NRG1: variants seen among roughly 807,000 people sequenced by gnomAD.
NRG1 encodes the protein neuregulin 1.
Under a neutral mutation model 63.8 loss-of-function variants are expected in NRG1, and 18 were observed. The ratio of observed to expected loss-of-function variants is 0.28; its 90% CI spans 0.19 to 0.42. NRG1 has a LOEUF of 0.42. NRG1 is among the 10% of genes least tolerant of loss of function. The probability of loss-of-function intolerance (pLI) is 1.00; values close to 1 mark genes in which losing one functional copy is unlikely to be tolerated. For synonymous variants in NRG1, 302 were observed against 301.3 expected (o/e 1.00, Z -0.02); for missense variants, 762 against 814.7 (o/e 0.94, Z 0.79).
chr8:32,265,515 A>C (rs926601705), intron 1 of NRG1, among the ~76,000 whole-genome samples: 2 of 152,052 alleles, frequency 1.3e-5, no homozygotes, highest in African/African-American at 4.8e-5. Context: ...GGTCAAAAAT[A>C]TTCAGAAAAA....
intron 5 of NRG1, among the ~76,000 whole-genome samples, chr8:32,637,433 T>C (rs1372851734): frequency 6.6e-6 from 1 of 152,144 alleles, no homozygotes; most frequent in Non-Finnish European, 1.5e-5. Context: ...TATTTCAGAG[T>C]ATAACTCAGA....
At chr8:32,743,204 AC>A (rs1803603689) in intron 7 of NRG1, 1 of 986,058 alleles carries the variant, frequency 1.0e-6, no homozygotes, top group Admixed American at 6.1e-5. Context: ...GTTATTTGTC[AC>A]AAATAAACAT....
At chr8:32,221,976 A>T (rs1208924918) in intron 1 of NRG1, among the ~76,000 whole-genome samples, 1 of 151,832 alleles carries the variant, frequency 6.6e-6, no homozygotes, top group East Asian at 1.9e-4. Context: ...GCTCTTTTTC[A>T]TCATTCACTA....
intron 1 of NRG1, chr8:32,030,364 T>C (rs929900096): frequency 6.6e-5 from 10 of 152,210 alleles, no homozygotes; most frequent in African/African-American, 2.4e-4. Flanking sequence ...ATGGCTATTC[T>C]GCTCTTCCTA....
chr8:32,467,685 C>A (rs1245017284), intron 1 of NRG1, among the ~76,000 whole-genome samples: 1 of 152,038 alleles, frequency 6.6e-6, no homozygotes, highest in African/African-American at 2.4e-5. Context: ...ATGTAGGGAA[C>A]AACTACACTC....
At chr8:32,056,140 C>T (rs576747642) in intron 1 of NRG1, among the ~76,000 whole-genome samples, 7 of 152,202 alleles carry the variant, frequency 4.6e-5, no homozygotes, top group East Asian at 1.9e-4. Flanking sequence ...ATCTGTCTGA[C>T]GAGAATGTTG....
At chr8:32,737,926 G>A (rs1228731526) in intron 6 of NRG1, among the ~76,000 whole-genome samples, 3 of 151,982 alleles carry the variant, frequency 2.0e-5, no homozygotes, top group South Asian at 2.1e-4. Flanking sequence ...GCCCACCTTG[G>A]CTTCCCAAAG....
intron 1 of NRG1, among the ~76,000 whole-genome samples, chr8:32,232,240 C>T (rs1032321586): frequency 3.3e-5 from 5 of 152,116 alleles, no homozygotes; most frequent in Non-Finnish European, 7.3e-5. Context: ...TGATTCAAAT[C>T]ATTGAAGATG....
Position 31,663,082 on chromosome 8 carries a change from G to A in NRG1, c.37+23651G>A, listed in dbSNP as rs561883454. On this transcript the variant is annotated intron_variant, in intron 1 of 10. Coordinates refer to the NRG1 transcript ENST00000519301. Reference sequence around the variant, plus strand: ...CTCACTGCGTGGATGGAACACCCAGGCAATGGGACACCAGGGGTCTGTATG... The same window carrying A: ...CTCACTGCGTGGATGGAACACCCAGACAATGGGACACCAGGGGTCTGTATG... Among the ~76,000 whole-genome samples the A allele has an allele frequency of 1.1e-4, 17 of 152,296 alleles. No individual in the cohort carries two copies. In the East Asian group the frequency reaches 3.1e-3, roughly 28 times the overall value.
At chr8:32,214,501 G>C (rs1265661420) in intron 1 of NRG1, among the ~76,000 whole-genome samples, 1 of 151,092 alleles carries the variant, frequency 6.6e-6, no homozygotes, top group Non-Finnish European at 1.5e-5. Context: ...TTTTTTGCCA[G>C]CCTTGATGGT....
chr8:31,928,821 T>C (rs891326896), intron 1 of NRG1, among the ~76,000 whole-genome samples: 2 of 152,120 alleles, frequency 1.3e-5, no homozygotes, highest in Non-Finnish European at 2.9e-5. Context: ...GAGCTATAGG[T>C]ATTTAAAGGC....
intron 1 of NRG1, among the ~76,000 whole-genome samples, chr8:31,862,216 A>T (rs57418877): frequency 3.3e-3 from 496 of 152,338 alleles, no homozygotes; most frequent in African/African-American, 0.011. Flanking sequence ...TTTCTGAGAC[A>T]TTAACCTTAA....
chr8:32,609,169 G>A lies in NRG1; in HGVS notation c.400+3486G>A, dbSNP rs16879618. Among the ~76,000 whole-genome samples the A allele has an allele frequency of 6.9e-3, 1,051 of 152,212 alleles. 12 individuals are homozygous for A. Among genetic ancestry groups the A allele is most frequent in the African/African-American group, 0.024 (981 of 41,546 alleles). On this transcript the variant is annotated intron_variant, in intron 3 of 11. Transcript: ENST00000356819. ...GACAAGGCCAGTTTCCTGTACATTA[G>A]AGGAGATACCCTTTTTGCTCTGCAC... is the stretch of plus-strand genomic sequence containing the variant.
chr8:31,644,759 C>T (rs1338167849), intron 1 of NRG1, among the ~76,000 whole-genome samples: 1 of 152,026 alleles, frequency 6.6e-6, no homozygotes, highest in Non-Finnish European at 1.5e-5. Context: ...TTACAACCCT[C>T]TTGTACATTT....
chr8:31,640,553 A>T lies in NRG1; in HGVS notation c.37+1122A>T. 1 of 1,611,606 alleles carries T rather than the reference A, an allele frequency of 6.2e-7. No homozygotes were observed. Among genetic ancestry groups the T allele is most frequent in the Non-Finnish European group, 8.5e-7 (1 of 1,179,376 alleles). ...ACCGTGCGCCTGGGGACCTGGGGCC[A>T]CCCCGCCTTCCCCTCCTGCGGGAGG... On this transcript the variant is annotated intron_variant, in intron 1 of 10. Transcript: ENST00000519301. The surrounding 1 kb of genome is among the most constrained non-coding windows in gnomAD (Gnocchi z 6.3).
intron 1 of NRG1, among the ~76,000 whole-genome samples, chr8:31,672,312 C>T (rs1807238625): frequency 6.6e-6 from 1 of 152,094 alleles, no homozygotes; most frequent in African/African-American, 2.4e-5. Context: ...GATCAATATT[C>T]CCAGAACTAG....
intron 1 of NRG1, among the ~76,000 whole-genome samples, chr8:31,956,193 CCCCAAG>C (rs1350057326): frequency 6.6e-6 from 1 of 151,992 alleles, no homozygotes; most frequent in African/African-American, 2.4e-5. Flanking sequence ...ATTGTGAATT[CCCCAAG>C]CCCAGCATTT....
chr8:31,839,364 G>A (rs911456199), intron 1 of NRG1, among the ~76,000 whole-genome samples: 3 of 152,084 alleles, frequency 2.0e-5, no homozygotes, highest in Non-Finnish European at 4.4e-5. Context: ...TGGAAATTGA[G>A]CCACAAATAA....
At chr8:32,601,823 CA>C (rs936233134) in intron 2 of NRG1, among the ~76,000 whole-genome samples, 3 of 150,670 alleles carry the variant, frequency 2.0e-5, no homozygotes, top group African/African-American at 7.3e-5. Context: ...GGCTTTTATC[CA>C]AGTTGATTGA....
Sources: gnomAD v4.1 joint callset for allele counts (sites outside exome capture counted in the v4.1 genomes callset) on GRCh38, gnomAD v4.1.1 for gene constraint, Gnocchi (gnomAD v3.1) non-coding constraint, MANE v1.5 for transcripts, NCBI Gene and HGNC (gene_info 2026-07-23, HGNC 2026-07-21) for gene names.